PLA2G6: variants seen among roughly 807,000 people sequenced by gnomAD.
PLA2G6 encodes phospholipase A2 group VI.
Under a neutral mutation model 83.8 loss-of-function variants are expected in PLA2G6, and 62 were observed. The ratio of observed to expected loss-of-function variants is 0.74; its 90% confidence interval spans 0.60 to 0.91. The LOEUF is 0.91. Among genes scored for constraint, PLA2G6 ranks in the 40% least tolerant of loss-of-function variants. The pLI is 0.00. For missense variants in PLA2G6, 944 were observed against 1,102.0 expected (o/e 0.86, Z 2.03); for synonymous variants, 417 against 449.8 (o/e 0.93, Z 0.92).
chr22:38,127,263 G>C (rs1489141155), intron 9 of PLA2G6: 2 of 1,231,804 alleles, frequency 1.6e-6, no homozygotes, highest in Non-Finnish European at 2.1e-6. Context: ...GGAAGCAGAA[G>C]AGTGGCTGAG....
intron 10 of PLA2G6, chr22:38,126,068 C>T (rs2087834352): frequency 6.9e-6 from 3 of 432,506 alleles, no homozygotes; most frequent in South Asian, 3.9e-5. Flanking sequence ...ACCCAGGCAT[C>T]TCCCCCTCTT....
intron 3 of PLA2G6, chr22:38,143,875 T>C: frequency 4.9e-6 from 1 of 205,426 alleles, no homozygotes; most frequent in East Asian, 1.1e-4. Flanking sequence ...CCCGAGTAGC[T>C]GGGATTACAG....
At chr22:38,180,452 A>G (rs923684443) in intron 1 of PLA2G6, 1 of 152,226 alleles carries the variant, frequency 6.6e-6, no homozygotes, top group Non-Finnish European at 1.5e-5. Flanking sequence ...GGCCACACCA[A>G]GGGTAGCCTA....
Position 38,140,232 on chromosome 22 carries a change from G to A in PLA2G6, c.610-63C>T. ...GCTGATAAGAACGTAAAGAGGCCGG[G>A]CGCAGTGGCTCATGCCTGTAATCCT... On this transcript the variant is annotated intron_variant, in intron 4 of 16. Coordinates refer to ENST00000332509, the MANE Select transcript of PLA2G6 (RefSeq NM_003560.4). The A allele has an allele frequency of 2.0e-6, 3 of 1,490,690 alleles. No individual in the cohort carries two copies. The South Asian group carries it at 3.4e-5, about 17-fold the overall frequency. The allele number at this position is 1,490,690 out of a possible 1,614,324, so 92.3% of individuals were successfully genotyped here. A position where few individuals can be genotyped will look rare whatever the true frequency, so the allele number is the denominator to read the frequency against.
intron 6 of PLA2G6, 158 bp from the exon 7 acceptor site, chr22:38,133,171 G>A: frequency 1.4e-6 from 1 of 711,868 alleles, no homozygotes; most frequent in Non-Finnish European, 2.4e-6. Flanking sequence ...CCAGTTCTAG[G>A]GGGGCCTAGA....
At chr22:38,168,559 C>T (rs1390116699) in intron 2 of PLA2G6, among the ~76,000 whole-genome samples, 2 of 152,204 alleles carry the variant, frequency 1.3e-5, no homozygotes. Context: ...CCTTAAAGAG[C>T]CAGGGCTAGG....
intron 1 of PLA2G6, among the ~76,000 whole-genome samples, chr22:38,176,260 G>A (rs1261995375): frequency 6.6e-6 from 1 of 152,114 alleles, no homozygotes; most frequent in African/African-American, 2.4e-5. Flanking sequence ...AAGACTCCAA[G>A]CCTTCTGCTT....
intron 5 of PLA2G6, chr22:38,139,442 TA>T (rs2088759522): frequency 6.6e-6 from 1 of 151,690 alleles, no homozygotes; most frequent in African/African-American, 2.4e-5. Flanking sequence ...TTTATTTATT[TA>T]TTTATTTTTT....
intron 2 of PLA2G6, among the ~76,000 whole-genome samples, chr22:38,166,184 C>T (rs942038969): frequency 2.6e-5 from 4 of 152,162 alleles, no homozygotes; most frequent in South Asian, 2.1e-4. Flanking sequence ...GCCATGTGAC[C>T]GGGTTCTGGC....
chr22:38,112,886 C>A, intron 15 of PLA2G6: 2 of 497,174 alleles, frequency 4.0e-6, no homozygotes, highest in Non-Finnish European at 7.1e-6. Context: ...CCCTCCCTCC[C>A]TCCTCTCTCT....
intron 1 of PLA2G6, among the ~76,000 whole-genome samples, chr22:38,180,147 A>T (rs1299329948): frequency 7.5e-6 from 1 of 133,530 alleles, no homozygotes; most frequent in Non-Finnish European, 1.6e-5. Context: ...GCAGACACAC[A>T]CACACACACA....
At chr22:38,175,923 C>A (rs1239882353) in intron 1 of PLA2G6, among the ~76,000 whole-genome samples, 2 of 152,176 alleles carry the variant, frequency 1.3e-5, no homozygotes, top group Non-Finnish European at 1.5e-5. Flanking sequence ...CACCTATAAG[C>A]CCATGGGGCC....
chr22:38,177,042 C>CAAAA (rs11471646), intron 1 of PLA2G6, among the ~76,000 whole-genome samples: 11 of 129,426 alleles, frequency 8.5e-5, no homozygotes, highest in African/African-American at 2.0e-4. Context: ...GAGACTGTCT[C>CAAAA]AAAAAAAAAA....
At chr22:38,131,593 A>C (rs923816824) in intron 7 of PLA2G6, 2 of 153,356 alleles carry the variant, frequency 1.3e-5, no homozygotes, top group African/African-American at 4.8e-5. Context: ...CCCAGTGCTA[A>C]AAATGTCCAC....
At chr22:38,178,258 G>C (rs375579712) in intron 1 of PLA2G6, among the ~76,000 whole-genome samples, 1 of 152,078 alleles carries the variant, frequency 6.6e-6, no homozygotes. Flanking sequence ...TGTTCTAACC[G>C]CTGAGGATAC....
rs1478738777 is a variant in PLA2G6, at chr22:38,128,287, T to C, written c.1330A>G (p.Ile444Val). 6.2e-7 allele frequency: 1 copy of C among 1,612,668 alleles called. No individual in the cohort carries two copies. Among genetic ancestry groups the C allele is most frequent in the Admixed American group, 1.7e-5 (1 of 60,016 alleles). The part of the protein sequence containing the change: ...FSLERAQPPP[I>V]SLNNLELQDL... ...GGCCTACCTAGGTTGTTTAGGCTGA[T>C]CGGTGGGGGCTGAGCTCTTTCCAGG... The change falls in exon 9 of 17, where the codon ATC (isoleucine) becomes GTC (valine). Residue 444 changes from isoleucine (I) to valine (V), a missense_variant. Physicochemically the swap from Ile to Val is conservative, Grantham distance 29. Transcript: ENST00000332509. The surrounding 1 kb of genome is among the most constrained non-coding windows in gnomAD (Gnocchi z 4.4).
rs760792386 is a variant in PLA2G6, at chr22:38,116,087, C to G, written c.1867G>C (p.Ala623Pro). The G allele has an allele frequency of 1.2e-6, 2 of 1,614,042 alleles. No individual in the cohort carries two copies. Among genetic ancestry groups the G allele is most frequent in the Non-Finnish European group, 8.5e-7 (1 of 1,180,000 alleles). The part of the protein sequence containing the change: ...FNQNVNLRPP[A>P]QPSDQLVWRA... Reference sequence around the variant, plus strand: ...ACATGGTTTAAACCTGAGGGCTGAGCTGGAGGCCTGAGGTTAACGTTCTGG... The same window carrying G: ...ACATGGTTTAAACCTGAGGGCTGAGGTGGAGGCCTGAGGTTAACGTTCTGG... The change falls in exon 13 of 17, where the codon GCT becomes CCT. Residue 623 changes from alanine (A) to proline (P), a missense_variant. Coordinates refer to ENST00000332509, the MANE Select transcript of PLA2G6 (RefSeq NM_003560.4).
intron 6 of PLA2G6, chr22:38,133,373 T>A: frequency 3.2e-6 from 1 of 308,456 alleles, no homozygotes; most frequent in South Asian, 4.1e-5. Context: ...GTATCACCTC[T>A]CACTGGGCCT....
intron 6 of PLA2G6, chr22:38,133,458 AAAGCC>A: frequency 4.9e-6 from 1 of 205,486 alleles, no homozygotes; most frequent in South Asian, 8.5e-5. Flanking sequence ...ACCTGAGCCC[AAAGCC>A]CAGCTTCACT....
Sources: gnomAD v4.1 joint callset for allele counts (sites outside exome capture counted in the v4.1 genomes callset) on GRCh38, gnomAD v4.1.1 for gene constraint, Gnocchi (gnomAD v3.1) non-coding constraint, MANE v1.5 for transcripts, NCBI Gene and HGNC (gene_info 2026-07-23, HGNC 2026-07-21) for gene names.